The following ITK variants were observed in gnomAD, a reference collection of about 807,000 sequenced individuals.
The protein encoded by ITK is tyrosine-protein kinase ITK/TSK.
ITK carries 45 observed loss-of-function variants against 87.6 expected under a neutral mutation model. The ratio of observed to expected loss-of-function variants is 0.51; its 90% CI spans 0.40 to 0.66. The LOEUF is 0.66. Ranked by LOEUF, ITK falls within the 30% of genes least tolerant of loss-of-function variation. The probability of loss-of-function intolerance (pLI) is 0.00; values close to 1 mark genes in which losing one functional copy is unlikely to be tolerated. For missense variants in ITK, 605 were observed against 766.3 expected (o/e 0.79, Z 2.48); for synonymous variants, 303 against 273.6 (o/e 1.11, Z -1.06).
chr5:157,213,859 G>A (rs990422872), intron 3 of ITK, among the ~76,000 whole-genome samples: 6 of 152,128 alleles, frequency 3.9e-5, no homozygotes, highest in African/African-American at 9.7e-5. Flanking sequence ...TACCCTTAAG[G>A]CACCTTTGTA....
chr5:157,226,103 C>T (rs1754525789), intron 6 of ITK, among the ~76,000 whole-genome samples: 2 of 152,216 alleles, frequency 1.3e-5, no homozygotes, highest in African/African-American at 4.8e-5. Context: ...ATCAGCTACT[C>T]TTGTCATATG....
intron 8 of ITK, among the ~76,000 whole-genome samples, chr5:157,236,140 G>T (rs959644526): frequency 2.0e-4 from 31 of 152,132 alleles, no homozygotes; most frequent in African/African-American, 7.5e-4. Flanking sequence ...TTGGGAGGCC[G>T]AGGCAGGCGG....
rs1219334154 is a variant in ITK, at chr5:157,211,308, C to T, written c.265C>T (p.Leu89=). The T allele has an allele frequency of 1.2e-6, 2 of 1,614,052 alleles. No homozygotes were observed. Among genetic ancestry groups the T allele is most frequent in the Admixed American group, 1.7e-5 (1 of 60,030 alleles). Reference sequence around the variant, plus strand: ...CCAGGTGGTGCATGACAACTACCTCCTATATGTGTTTGCTCCAGATCGTGA... The same window carrying T: ...CCAGGTGGTGCATGACAACTACCTCTTATATGTGTTTGCTCCAGATCGTGA... ...PFQVVHDNYL[L]YVFAPDRESR... The change falls in exon 3 of 17, where the codon CTA becomes TTA. Residue 89 remains leucine, a synonymous_variant. Coordinates refer to ENST00000422843, the MANE Select transcript of ITK (RefSeq NM_005546.4).
rs560437286 is a variant in ITK at position 157,214,937 on chromosome 5, G to A, written c.454+618G>A. ...GAAGGCCGCAGTCTAAATGCAAAGT[G>A]AAAACAAAAAAAGCTGTTTTTTTGC... On this transcript the variant is annotated intron_variant, in intron 4 of 16. Transcript: ENST00000422843. Among the ~76,000 whole-genome samples, 979 of 152,172 alleles carry A rather than the reference G, an allele frequency of 6.4e-3. 5 individuals are homozygous for A. The highest frequency in any genetic ancestry group is 0.01 in the Non-Finnish European group (706 of 67,996).
chr5:157,187,508 A>G (rs1176972525), intron 1 of ITK, among the ~76,000 whole-genome samples: 1 of 152,244 alleles, frequency 6.6e-6, no homozygotes, highest in Non-Finnish European at 1.5e-5. Flanking sequence ...GACCAAGGCA[A>G]GTGACATAGG....
In ITK at chr5:157,240,465, C is replaced by T. The variant is rs1486437217; in HGVS notation, c.985+270C>T. 5.6e-5 allele frequency: 28 copies of T among 503,098 alleles called. No individual in the cohort carries two copies. The Middle Eastern group carries it at 2.7e-3, about 49-fold the overall frequency. The allele number at this position is 503,098 out of a possible 1,614,324, so 31.2% of individuals were successfully genotyped here. A position where few individuals can be genotyped will look rare whatever the true frequency, so the allele number is the denominator to read the frequency against. ...ATGGATAAACTGTCTTCCACAAAGC[C>T]GATCCCTGGTGCCAAAAAGGTTGGG... On this transcript the variant is annotated intron_variant, in intron 10 of 16. Coordinates refer to ENST00000422843, the MANE Select transcript of ITK (RefSeq NM_005546.4).
rs184917807 is a variant in ITK, at chr5:157,254,445, C to A, written c.*1767C>A. The A allele has an allele frequency of 8.3e-4, 183 of 221,450 alleles. 1 individual carries two copies. The highest frequency in any genetic ancestry group is 8.0e-4 in the Non-Finnish European group (89 of 110,650). The allele number at this position is 221,450 out of a possible 1,614,324, so 13.7% of individuals were successfully genotyped here. On this transcript the variant is annotated 3_prime_UTR_variant, in exon 17 of 17. Transcript: ENST00000422843. ...TGAGTTCTTCCTTTAATTATCATTCCAACTTTCAGCTGTAGTCTTCTTGAA... is the reference window on the plus strand; with the variant it reads ...TGAGTTCTTCCTTTAATTATCATTCAAACTTTCAGCTGTAGTCTTCTTGAA...
rs1242830556 is a variant in ITK, at chr5:157,228,157, A to G, written c.648-139A>G. ...CCCGGCCTACCAATTCTTGTATTCT[A>G]AACTTTAAAATGTCTTATCGCAAAT... On this transcript the variant is annotated intron_variant, in intron 6 of 16. Coordinates refer to ENST00000422843, the MANE Select transcript of ITK (RefSeq NM_005546.4). The G allele has an allele frequency of 2.4e-5, 16 of 678,330 alleles. No individual in the cohort carries two copies. The East Asian group carries it at 4.2e-4, about 18-fold the overall frequency. The allele number at this position is 678,330 out of a possible 1,614,324, so 42.0% of individuals were successfully genotyped here. A position where few individuals can be genotyped will look rare whatever the true frequency, so the allele number is the denominator to read the frequency against.
intron 5 of ITK, among the ~76,000 whole-genome samples, chr5:157,218,541 C>G (rs1754347903): frequency 6.6e-6 from 1 of 151,016 alleles, no homozygotes; most frequent in South Asian, 2.1e-4. Context: ...AGGTGCACAT[C>G]TACTCTTCGC....
chr5:157,203,483 T>C (rs1212672326), intron 1 of ITK, among the ~76,000 whole-genome samples: 2 of 152,160 alleles, frequency 1.3e-5, no homozygotes, highest in African/African-American at 4.8e-5. Flanking sequence ...AAGACAAAAA[T>C]GTCAGCAAAT....
intron 6 of ITK, among the ~76,000 whole-genome samples, chr5:157,223,519 G>T (rs182789902): frequency 2.7e-3 from 411 of 152,202 alleles, no homozygotes; most frequent in Non-Finnish European, 4.7e-3. Flanking sequence ...CCATCCACAT[G>T]ACTCAGGGAG....
chr5:157,253,369 C>T lies in ITK; in HGVS notation c.*691C>T, dbSNP rs974643571. 6.1e-5 allele frequency: 14 copies of T among 230,096 alleles called. No individual in the cohort carries two copies. In the Admixed American group the frequency reaches 7.5e-4, roughly 12 times the overall value. 14.3% of individuals were successfully genotyped at this position (230,096 alleles called of 1,614,324 possible). On this transcript the variant is annotated 3_prime_UTR_variant, in exon 17 of 17. Coordinates refer to ENST00000422843, the MANE Select transcript of ITK (RefSeq NM_005546.4). ...GACCCATTGGATGGATTGGGGTGAACAGTTCAGGTCCCATGCTTGGAGCAT... is the reference window on the plus strand; with the variant it reads ...GACCCATTGGATGGATTGGGGTGAATAGTTCAGGTCCCATGCTTGGAGCAT...
At chr5:157,242,810 A>T (rs1354978772) in intron 11 of ITK, among the ~76,000 whole-genome samples, 1 of 152,168 alleles carries the variant, frequency 6.6e-6, no homozygotes, top group Non-Finnish European at 1.5e-5. Context: ...AAGTGGTCAG[A>T]GGGCAATACT....
intron 7 of ITK, 125 bp from the exon 8 acceptor site, chr5:157,232,213 CTT>C (rs1754671269): frequency 1.4e-6 from 1 of 701,390 alleles, no homozygotes; most frequent in African/African-American, 1.8e-5. Context: ...ATAAAATACA[CTT>C]AAAATTTTTT....
chr5:157,203,976 T>C (rs968154483), intron 1 of ITK, among the ~76,000 whole-genome samples: 3 of 152,166 alleles, frequency 2.0e-5, no homozygotes, highest in African/African-American at 7.2e-5. Context: ...CTATAAATAT[T>C]TTCTTCACAT....
chr5:157,224,223 G>T (rs1401708943), intron 6 of ITK: 1 of 151,676 alleles, frequency 6.6e-6, no homozygotes, highest in Non-Finnish European at 1.5e-5. Flanking sequence ...GGGAGAGGTT[G>T]CAGTGAGCCA....
chr5:157,187,301 T>C (rs939112233), intron 1 of ITK, among the ~76,000 whole-genome samples: 3 of 152,222 alleles, frequency 2.0e-5, no homozygotes, highest in African/African-American at 7.2e-5. Context: ...GGCACCCAAG[T>C]TGATAAAGAT....
chr5:157,244,264 A>G lies in ITK; in HGVS notation c.1235A>G (p.Lys412Arg), dbSNP rs953401521. 6.2e-6 allele frequency: 10 copies of G among 1,613,892 alleles called. No individual in the cohort carries two copies. Among genetic ancestry groups the G allele is most frequent in the African/African-American group, 4.0e-5 (3 of 74,902 alleles). The change falls in exon 13 of 17, where the codon AAA becomes AGA. Residue 412 changes from lysine (K) to arginine (R), a missense_variant and splice_region_variant. Around this residue, in one of 3 missense-constraint regions of ITK, gnomAD observed 464 missense variants for 578.0 expected, o/e 0.80. Transcript: ENST00000422843. ...DFIEEAEVMM[K>R]LSHPKLVQLY... is the part of the protein sequence containing the mutation. ...CACCCCTTGTCTTTTTCCTCCAGGA[A>G]ACTCTCTCATCCCAAACTGGTGCAG...
At chr5:157,185,903 G>A (rs1418944325) in intron 1 of ITK, among the ~76,000 whole-genome samples, 2 of 152,212 alleles carry the variant, frequency 1.3e-5, no homozygotes. Flanking sequence ...TAATAAGATG[G>A]AGGTCACCTT....
Sources: gnomAD v4.1 joint callset for allele counts (sites outside exome capture counted in the v4.1 genomes callset) on GRCh38, gnomAD v4.1.1 for gene constraint, gnomAD v4.1.1 regional missense constraint, MANE v1.5 for transcripts, NCBI Gene and HGNC (gene_info 2026-07-23, HGNC 2026-07-21) for gene names.